The following PRKD3 variants were observed in gnomAD, a reference collection of about 807,000 sequenced individuals.
The protein encoded by PRKD3 is serine/threonine-protein kinase D3.
Under a neutral mutation model 99.2 loss-of-function variants are expected in PRKD3, and 47 were observed. That is an observed-to-expected ratio of 0.47 (90% CI 0.38 to 0.60). The LOEUF (loss-of-function observed/expected upper bound fraction) is 0.60, where lower values mean the gene tolerates loss of function less well. Ranked by LOEUF, PRKD3 falls within the 20% of genes least tolerant of loss-of-function variation. The probability of loss-of-function intolerance (pLI) is 0.00; values close to 1 mark genes in which losing one functional copy is unlikely to be tolerated. For synonymous variants in PRKD3, 392 were observed against 355.4 expected (o/e 1.10, Z -1.16); for missense variants, 1,019 against 1,088.4 (o/e 0.94, Z 0.90).
intron 14 of PRKD3, 69 bp downstream of exon 14, chr2:37,267,361 A>AAAG: frequency 9.1e-7 from 1 of 1,104,868 alleles, no homozygotes; most frequent in Non-Finnish European, 1.3e-6. Context: ...AAAAAAAAAA[A>AAAG]AGAGAAGCAG....
At position 37,319,341 on chromosome 2, in the gene PRKD3, G is replaced by A. The variant is rs559447976; in HGVS notation, c.-655-2162C>T. Among the ~76,000 whole-genome samples the A allele has an allele frequency of 8.5e-5, 13 of 152,232 alleles. No individual in the cohort carries two copies. The South Asian group carries it at 1.9e-3, about 22-fold the overall frequency. ...CACCTTAGATGAGGAAAGTCTTTAC[G>A]GAACTGCCTTGAAACACTGTCCTCA... On this transcript the variant is annotated intron_variant, in intron 1 of 18. Coordinates refer to ENST00000234179, the MANE Select transcript of PRKD3 (RefSeq NM_005813.6).
intron 17 of PRKD3, among the ~76,000 whole-genome samples, chr2:37,255,761 T>C (rs189745601): frequency 1.8e-4 from 27 of 152,284 alleles, no homozygotes; most frequent in African/African-American, 6.3e-4. Context: ...ATCCCAGCAC[T>C]TTGGGAGGTC....
At chr2:37,323,877 G>A (rs975287363) in intron 1 of PRKD3, among the ~76,000 whole-genome samples, 1 of 152,190 alleles carries the variant, frequency 6.6e-6, no homozygotes, top group African/African-American at 2.4e-5. Context: ...TGAAGACACA[G>A]TTACGTCCAT....
chr2:37,275,695 G>C (rs1669534629), intron 10 of PRKD3, 72 bp downstream of exon 10: 1 of 1,450,252 alleles, frequency 6.9e-7, no homozygotes, highest in East Asian at 2.4e-5. Flanking sequence ...AAATATAACA[G>C]TTAATGAATA....
Position 37,277,882 on chromosome 2 carries a change from G to C in PRKD3, c.1280C>G (p.Thr427Ser). The C allele has an allele frequency of 6.2e-7, 1 of 1,613,426 alleles. No individual in the cohort carries two copies. Among genetic ancestry groups the C allele is most frequent in the Non-Finnish European group, 8.5e-7 (1 of 1,179,630 alleles). The change falls in exon 9 of 19, where the codon ACC (threonine) becomes AGC (serine). Residue 427 changes from threonine to serine, a missense_variant. Thr to Ser is a moderately conservative substitution (Grantham distance 58). This residue lies in a region of PRKD3 where 710 missense variants were observed against 692.7 expected (regional missense o/e 1.02). Transcript: ENST00000234179. Reference protein sequence around the residue: ...MVKEGWMVHYTSRDNLRKRHY... With the variant: ...MVKEGWMVHYSSRDNLRKRHY... ...ATTACTGACCAGGTTATCCCTGCTG[G>C]TGTAATGGACCATCCACCCTTCCTT...
rs1347184286 is a variant in PRKD3, at chr2:37,282,558, C to G, written c.972G>C (p.Glu324Asp). Residue 324 changes from glutamate to aspartate, a missense_variant, in exon 7 of 19, where the codon GAG becomes GAC. By Grantham distance (45) the Glu-to-Asp change is conservative. Coordinates refer to ENST00000234179, the MANE Select transcript of PRKD3 (RefSeq NM_005813.6). ...ASKVPRDCLG[E>D]VTFNGEPSSL... is the part of the protein sequence containing the mutation. The stretch of plus-strand genomic sequence containing the variant: ...TAATTTTACCTCCATTGAAAGTAAC[C>G]TCTCCAAGGCAGTCTCTTGGTACTT... The G allele has an allele frequency of 1.3e-6, 2 of 1,590,486 alleles. No individual in the cohort carries two copies. The highest frequency in any genetic ancestry group is 1.7e-6 in the Non-Finnish European group (2 of 1,159,674).
intron 6 of PRKD3, 35 bp from the exon 7 acceptor site, chr2:37,282,654 A>G (rs2148558051): frequency 1.4e-6 from 2 of 1,424,656 alleles, no homozygotes; most frequent in Non-Finnish European, 2.0e-6. Context: ...TAATTTATGT[A>G]AAAGTCAAGC....
At chr2:37,283,184 A>T (rs1572660428) in intron 6 of PRKD3, among the ~76,000 whole-genome samples, 2 of 152,234 alleles carry the variant, frequency 1.3e-5, no homozygotes, top group African/African-American at 2.4e-5. Context: ...AAATTACTGT[A>T]TAACACAGTG....
intron 11 of PRKD3, among the ~76,000 whole-genome samples, chr2:37,273,516 A>T (rs1669411503): frequency 6.6e-6 from 1 of 152,064 alleles, no homozygotes; most frequent in Non-Finnish European, 1.5e-5. Flanking sequence ...TTCTGTCTGT[A>T]TCTGAGTTTT....
intron 14 of PRKD3, among the ~76,000 whole-genome samples, chr2:37,263,744 C>G (rs963889196): frequency 1.3e-5 from 2 of 152,188 alleles, no homozygotes; most frequent in Non-Finnish European, 2.9e-5. Flanking sequence ...TCAGCAAAAA[C>G]AGTTGTGTTG....
chr2:37,305,223 C>T (rs549732273), intron 2 of PRKD3, among the ~76,000 whole-genome samples: 13 of 152,192 alleles, frequency 8.5e-5, no homozygotes, highest in Admixed American at 2.6e-4. Flanking sequence ...TCTACAGAGA[C>T]GATGCAGTTA....
rs757758142 is a variant in PRKD3 at position 37,253,367 on chromosome 2, T to C, written c.2500-17A>G. The C allele has an allele frequency of 1.3e-6, 2 of 1,587,028 alleles. No individual in the cohort carries two copies. Among genetic ancestry groups the C allele is most frequent in the Admixed American group, 1.8e-5 (1 of 56,494 alleles). ...CTGATAGTCCTAGGAGAAAATGAAA[T>C]TGTAATGATGAAACAAAAGAAACAA... On this transcript the variant is annotated splice_polypyrimidine_tract_variant and intron_variant, in intron 18 of 18. Transcript: ENST00000234179.
intron 10 of PRKD3, among the ~76,000 whole-genome samples, chr2:37,275,162 C>T (rs1383953304): frequency 6.6e-6 from 1 of 151,468 alleles, no homozygotes; most frequent in Non-Finnish European, 1.5e-5. Flanking sequence ...CTGTAGCAAT[C>T]ATTATATTTT....
At chr2:37,318,852 G>A (rs1386831062) in intron 1 of PRKD3, among the ~76,000 whole-genome samples, 3 of 152,118 alleles carry the variant, frequency 2.0e-5, no homozygotes, top group South Asian at 4.1e-4. Context: ...TTTGTAGAGC[G>A]GTTTCAAGTT....
intron 5 of PRKD3, among the ~76,000 whole-genome samples, chr2:37,286,663 A>G (rs1670109350): frequency 6.6e-6 from 1 of 152,238 alleles, no homozygotes; most frequent in Admixed American, 6.5e-5. Flanking sequence ...AATCAAATAC[A>G]CAAACTTTAA....
chr2:37,291,412 T>C (rs1670416002), intron 3 of PRKD3, among the ~76,000 whole-genome samples: 1 of 152,238 alleles, frequency 6.6e-6, no homozygotes, highest in South Asian at 2.1e-4. Context: ...TAATTTAGGA[T>C]CCCAGGATAT....
chr2:37,262,812 T>C (rs938836439), intron 14 of PRKD3, among the ~76,000 whole-genome samples: 3 of 152,174 alleles, frequency 2.0e-5, no homozygotes, highest in African/African-American at 4.8e-5. Flanking sequence ...TTTTAGTAAG[T>C]TATACTTTCA....
In PRKD3 at chr2:37,303,150, T is replaced by C. The variant is rs1671011079; in HGVS notation, c.289-9879A>G. ...GACAGCTGGACTTCAGAGGATGGCC[T>C]GACTATCGGGAAGAGCCGCTGGACC... On this transcript the variant is annotated intron_variant, in intron 2 of 18. Transcript: ENST00000234179. 5.9e-5 allele frequency among the ~76,000 whole-genome samples: 9 copies of C among 152,142 alleles called. 2 individuals are homozygous for C. In the South Asian group the frequency reaches 1.9e-3, roughly 32 times the overall value.
chr2:37,297,417 T>C (rs892432463), intron 2 of PRKD3, among the ~76,000 whole-genome samples: 8 of 152,136 alleles, frequency 5.3e-5, no homozygotes, highest in African/African-American at 1.9e-4. Context: ...CCATACCCAG[T>C]TTCCCCTATT....
Sources: allele counts gnomAD v4.1 joint callset (sites outside exome capture counted in the v4.1 genomes callset), GRCh38; gene constraint gnomAD v4.1.1; regional missense constraint gnomAD v4.1.1; transcripts MANE v1.5; gene names NCBI Gene and HGNC (gene_info 2026-07-23, HGNC 2026-07-21).